CAMTA1: variants seen among roughly 807,000 people sequenced by gnomAD.
CAMTA1 encodes the protein calmodulin binding transcription activator 1.
Under a neutral mutation model 170.9 loss-of-function variants are expected in CAMTA1, and 27 were observed. The ratio of observed to expected loss-of-function variants is 0.16; its 90% CI spans 0.12 to 0.22. The LOEUF (loss-of-function observed/expected upper bound fraction) is 0.22, where lower values mean the gene tolerates loss of function less well. Ranked by LOEUF, CAMTA1 falls within the 10% of genes least tolerant of loss-of-function variation. The pLI, the probability that CAMTA1 is intolerant of heterozygous loss-of-function variation, is 1.00. For missense variants in CAMTA1, 1,619 were observed against 2,217.2 expected (o/e 0.73, Z 5.42); for synonymous variants, 833 against 891.5 (o/e 0.93, Z 1.17).
intron 5 of CAMTA1, among the ~76,000 whole-genome samples, chr1:7,298,315 A>G (rs932221457): frequency 6.4e-5 from 5 of 77,680 alleles, no homozygotes; most frequent in African/African-American, 2.7e-4. Context: ...CCAGAGATGC[A>G]TGATCCACCC....
intron 6 of CAMTA1, among the ~76,000 whole-genome samples, chr1:7,475,684 C>T (rs1039058183): frequency 1.4e-4 from 22 of 152,288 alleles, no homozygotes; most frequent in Admixed American, 7.8e-4. Flanking sequence ...GGCCACTGAG[C>T]GCTTGATCAG....
intron 5 of CAMTA1, among the ~76,000 whole-genome samples, chr1:7,440,407 C>T (rs1327777884): frequency 2.0e-5 from 3 of 152,268 alleles, no homozygotes; most frequent in African/African-American, 4.8e-5. Context: ...GGCCAGACAG[C>T]AGCCTGGGAA....
At chr1:7,492,135 C>A (rs1364864874) in intron 6 of CAMTA1, among the ~76,000 whole-genome samples, 1 of 152,162 alleles carries the variant, frequency 6.6e-6, no homozygotes, top group Non-Finnish European at 1.5e-5. Context: ...ATGATGGTCA[C>A]CCCAGCTGGG....
rs2097031114 is a variant in CAMTA1, at chr1:7,767,635, G to A, written c.*1144G>A. On this transcript the variant is annotated 3_prime_UTR_variant, in exon 23 of 23. Coordinates refer to ENST00000303635, the MANE Select transcript of CAMTA1 (RefSeq NM_015215.4). Reference sequence around the variant, plus strand: ...TATTTGTATAGTTTTGTCTGAATGAGCGAGAAAAATGTGGATGTACTGTTT... The same window carrying A: ...TATTTGTATAGTTTTGTCTGAATGAACGAGAAAAATGTGGATGTACTGTTT... The A allele has an allele frequency of 6.5e-6, 1 of 152,676 alleles. No individual in the cohort carries two copies. The highest frequency in any genetic ancestry group is 1.5e-5 in the Non-Finnish European group (1 of 68,018). The allele number at this position is 152,676 out of a possible 1,614,324, so 9.5% of individuals were successfully genotyped here. A position where few individuals can be genotyped will look rare whatever the true frequency, so the allele number is the denominator to read the frequency against.
intron 3 of CAMTA1, among the ~76,000 whole-genome samples, chr1:6,921,673 ACAAT>A (rs1167318781): frequency 1.3e-5 from 2 of 152,214 alleles, no homozygotes; most frequent in Non-Finnish European, 2.9e-5. Flanking sequence ...GGGAGGCCTC[ACAAT>A]CATGGTGGAA....
In CAMTA1 at chr1:7,580,790, CCCAA is replaced by C. The variant is rs2095253908; in HGVS notation, c.511-59605_511-59602del. 6.6e-6 allele frequency among the ~76,000 whole-genome samples: 1 copy of C among 152,098 alleles called. No homozygotes were observed. Among genetic ancestry groups the C allele is most frequent in the African/African-American group, 2.4e-5 (1 of 41,408 alleles). On this transcript the variant is annotated intron_variant, in intron 6 of 22. Transcript: ENST00000303635. This position sits in a 1 kb window ranked among gnomAD's most constrained non-coding sequence, Gnocchi z 4.3. ...CTTTGGAGGGTTTGGTTATCTCCTC[CCCAA>C]CCAAGATCTCCTCCAACCCGTGCCC...
intron 6 of CAMTA1, among the ~76,000 whole-genome samples, chr1:7,600,978 G>C (rs912625362): frequency 4.6e-5 from 7 of 152,022 alleles, no homozygotes; most frequent in African/African-American, 1.2e-4. Context: ...ATCATGGCCC[G>C]TTCTCAATGA....
intron 5 of CAMTA1, among the ~76,000 whole-genome samples, chr1:7,309,247 A>G (rs182004392): frequency 1.4e-5 from 2 of 143,392 alleles, no homozygotes; most frequent in Non-Finnish European, 3.0e-5. Context: ...TTTGCTATTC[A>G]TTCTGACAAT....
intron 3 of CAMTA1, among the ~76,000 whole-genome samples, chr1:7,011,387 G>A (rs1417662218): frequency 6.6e-6 from 1 of 152,090 alleles, no homozygotes; most frequent in Non-Finnish European, 1.5e-5. Flanking sequence ...ATGCTCCTCA[G>A]TGCCCCTAGA....
chr1:6,831,509 G>A (rs1442238510), intron 3 of CAMTA1, among the ~76,000 whole-genome samples: 1 of 152,182 alleles, frequency 6.6e-6, no homozygotes, highest in African/African-American at 2.4e-5. Flanking sequence ...TTAATTAGCT[G>A]TTTGACTTAA....
chr1:7,024,796 T>C (rs1220750036), intron 3 of CAMTA1, among the ~76,000 whole-genome samples: 1 of 152,216 alleles, frequency 6.6e-6, no homozygotes, highest in Admixed American at 6.5e-5. Context: ...TCTTGGGAAG[T>C]AAAGTGCCAT....
At chr1:7,651,096 A>T (rs2095846069) in intron 7 of CAMTA1, among the ~76,000 whole-genome samples, 1 of 152,108 alleles carries the variant, frequency 6.6e-6, no homozygotes, top group South Asian at 2.1e-4. Context: ...GTTGCTGGAG[A>T]GCAACCCAGC....
chr1:7,145,623 G>A (rs1423098909), intron 4 of CAMTA1, among the ~76,000 whole-genome samples: 2 of 152,060 alleles, frequency 1.3e-5, no homozygotes, highest in Non-Finnish European at 2.9e-5. Flanking sequence ...AAAGACACAG[G>A]AAAATGACAG....
chr1:7,102,063 C>G (rs1168144501), intron 4 of CAMTA1, among the ~76,000 whole-genome samples: 1 of 114,470 alleles, frequency 8.7e-6, no homozygotes, highest in Admixed American at 8.9e-5. Context: ...CACACACACA[C>G]ACACACAGCT....
chr1:6,901,771 G>A (rs1171367762), intron 3 of CAMTA1, among the ~76,000 whole-genome samples: 1 of 152,032 alleles, frequency 6.6e-6, no homozygotes, highest in Non-Finnish European at 1.5e-5. Context: ...TGCCTGGTGC[G>A]GTGGCTCACA....
intron 4 of CAMTA1, among the ~76,000 whole-genome samples, chr1:7,106,100 G>A (rs1421160088): frequency 6.6e-6 from 1 of 152,152 alleles, no homozygotes; most frequent in African/African-American, 2.4e-5. Context: ...TTGTAAAACT[G>A]CTTAGATCAC....
In CAMTA1 at chr1:7,553,562, G is replaced by T. The variant is rs572827326; in HGVS notation, c.510+85661G>T. Among the ~76,000 whole-genome samples the T allele has an allele frequency of 5.2e-4, 79 of 152,332 alleles. 1 individual carries two copies. Among genetic ancestry groups the T allele is most frequent in the African/African-American group, 1.9e-3 (78 of 41,562 alleles). On this transcript the variant is annotated intron_variant, in intron 6 of 22. Transcript: ENST00000303635. The stretch of plus-strand genomic sequence containing the variant: ...AGGGTTCTGTCCCTGACCCTCTTTG[G>T]TGTCCCCCATCTGTGCACAGAACCT...
chr1:7,477,539 G>T (rs1422261934), intron 6 of CAMTA1, among the ~76,000 whole-genome samples: 1 of 152,192 alleles, frequency 6.6e-6, no homozygotes, highest in African/African-American at 2.4e-5. Context: ...TTGCCTGATT[G>T]CAGTTTACGA....
intron 5 of CAMTA1, among the ~76,000 whole-genome samples, chr1:7,450,344 T>C (rs991102754): frequency 2.0e-5 from 3 of 152,314 alleles, no homozygotes; most frequent in South Asian, 4.1e-4. Context: ...TGAGACAACC[T>C]GGGGAGACTT....
Sources: allele counts gnomAD v4.1 joint callset (sites outside exome capture counted in the v4.1 genomes callset), GRCh38; gene constraint gnomAD v4.1.1; non-coding constraint Gnocchi (gnomAD v3.1); transcripts MANE v1.5; gene names NCBI Gene and HGNC (gene_info 2026-07-23, HGNC 2026-07-21).